The following H2BC18 variants were observed in gnomAD, a reference collection of about 807,000 sequenced individuals.
H2BC18 encodes the protein H2B clustered histone 18, also known as histone H2B type 2-F.
In H2BC18, 8 loss-of-function variants were observed where a neutral mutation model predicts 6.3. That is an observed-to-expected ratio of 1.28 (90% confidence interval 0.75 to 2.31). The LOEUF is 2.31. Among genes scored for constraint, H2BC18 ranks in the 30% most tolerant of loss-of-function variants. The probability of loss-of-function intolerance (pLI) is 0.00; values close to 1 mark genes in which losing one functional copy is unlikely to be tolerated. For missense variants in H2BC18, 106 were observed against 174.5 expected, an observed-to-expected ratio of 0.61 and a Z score of 2.21; for synonymous variants, 104 against 78.1, an observed-to-expected ratio of 1.33 and a Z score of -1.75.
rs2091612856 is a variant in H2BC18, at chr1:149,788,567, G to A, written c.378-5307C>T. 3.7e-6 allele frequency: 6 copies of A among 1,613,962 alleles called. No individual in the cohort carries two copies. Among genetic ancestry groups the A allele is most frequent in the Non-Finnish European group, 5.1e-6 (6 of 1,179,866 alleles). ...CACAATGGCACCTACCATTGCTCAG[G>A]CATGGGAAAGCATCGCTACACATCA... is the stretch of plus-strand genomic sequence containing the variant. On this transcript the variant is annotated intron_variant, in intron 1 of 1. Coordinates refer to the H2BC18 transcript ENST00000545683.
chr1:149,785,885 G>A (rs587605326), intron 1 of H2BC18: 2 of 151,898 alleles, frequency 1.3e-5, no homozygotes, highest in Non-Finnish European at 2.9e-5. Context: ...CATATAAAGG[G>A]CTACGGTATG....
chr1:149,804,523 A>T (rs587739846), intron 1 of H2BC18, among the ~76,000 whole-genome samples: 598 of 152,280 alleles, frequency 3.9e-3, no homozygotes, highest in African/African-American at 0.014. Flanking sequence ...AAGTCACTAG[A>T]AATCTATTAA....
intron 1 of H2BC18, chr1:149,803,866 C>A (rs1341886477): frequency 6.6e-6 from 1 of 152,202 alleles, no homozygotes; most frequent in Non-Finnish European, 1.5e-5. Flanking sequence ...GTTTGCCACT[C>A]TTTGGACTGT....
At chr1:149,793,855 A>C (rs1415442995) in intron 1 of H2BC18, 4 of 1,269,856 alleles carry the variant, frequency 3.1e-6, no homozygotes, top group Admixed American at 2.4e-5. Flanking sequence ...TCCCCAAAGC[A>C]GACCAACCGG....
downstream of H2BC18, among the ~76,000 whole-genome samples, chr1:149,807,173 G>A (rs3106121): frequency 0.052 from 7,885 of 152,104 alleles, 257 homozygotes; most frequent in Non-Finnish European, 0.079. Flanking sequence ...GATAAATTGC[G>A]TTTGGAAAAT....
chr1:149,791,875 G>GAC (rs1427952634), intron 1 of H2BC18: 16 of 269,480 alleles, frequency 5.9e-5, no homozygotes, highest in African/African-American at 4.2e-4. Context: ...GACAGAAAGA[G>GAC]ACACACACAC....
chr1:149,793,472 G>C (rs1278594160), intron 1 of H2BC18, among the ~76,000 whole-genome samples: 1 of 152,176 alleles, frequency 6.6e-6, no homozygotes, highest in Admixed American at 6.5e-5. Flanking sequence ...TCCTATCACG[G>C]ATGAAAAGAT....
At chr1:149,787,353 T>C (rs1358145149) in intron 1 of H2BC18, 2 of 152,220 alleles carry the variant, frequency 1.3e-5, no homozygotes, top group Non-Finnish European at 2.9e-5. Flanking sequence ...CAACTGCCTC[T>C]GGAGAAAAGA....
intron 1 of H2BC18, among the ~76,000 whole-genome samples, chr1:149,788,897 T>C (rs1172074580): frequency 6.6e-6 from 1 of 151,968 alleles, no homozygotes; most frequent in Non-Finnish European, 1.5e-5. Context: ...TCCATCATTA[T>C]TTTAGTTGTA....
chr1:149,787,393 T>C (rs1553750947), intron 1 of H2BC18: 1 of 152,232 alleles, frequency 6.6e-6, no homozygotes, highest in African/African-American at 2.4e-5. Context: ...TGGTTATGTG[T>C]AGAGGTGTAT....
intron 1 of H2BC18, among the ~76,000 whole-genome samples, chr1:149,798,892 T>C (rs1317533046): frequency 6.6e-6 from 1 of 151,992 alleles, no homozygotes; most frequent in East Asian, 1.9e-4. Flanking sequence ...GGATTACATG[T>C]GTGACCCACC....
downstream of H2BC18, chr1:149,811,197 G>C (rs2091968615): frequency 2.0e-5 from 3 of 152,336 alleles, no homozygotes; most frequent in Admixed American, 2.0e-4. Context: ...TCCCCCCAGA[G>C]GACTGTCCTG....
At chr1:149,784,767 A>G (rs1419113571) in intron 1 of H2BC18, among the ~76,000 whole-genome samples, 5 of 150,648 alleles carry the variant, frequency 3.3e-5, no homozygotes, top group Non-Finnish European at 7.4e-5. Context: ...AACACTTTCT[A>G]AGTATTGTCC....
intron 1 of H2BC18, chr1:149,784,404 A>G (rs1168103997): frequency 9.8e-6 from 14 of 1,434,198 alleles, no homozygotes; most frequent in Non-Finnish European, 1.3e-5. Flanking sequence ...AAATCAGTAT[A>G]CTCAAAACAT....
chr1:149,786,082 TG>T (rs1377934546), intron 1 of H2BC18: 3 of 152,176 alleles, frequency 2.0e-5, no homozygotes, highest in African/African-American at 4.8e-5. Flanking sequence ...TGGATATTTT[TG>T]TTTACATGTT....
rs587734587 is a variant in H2BC18 at position 149,796,341 on chromosome 1, G to A, written c.378-13081C>T. Among the ~76,000 whole-genome samples the A allele has an allele frequency of 1.0e-3, 156 of 152,292 alleles. 1 individual carries two copies. Among genetic ancestry groups the A allele is most frequent in the Admixed American group, 1.9e-3 (29 of 15,308 alleles). The stretch of plus-strand genomic sequence containing the variant: ...TCTAAGGAAGACTAGAAATAATTGG[G>A]TTAGGGATTCTCGAGAAGTAAATTA... On this transcript the variant is annotated intron_variant, in intron 1 of 1. Coordinates refer to the H2BC18 transcript ENST00000545683.
At position 149,812,349 on chromosome 1, in the gene H2BC18, A is replaced by T; in HGVS notation, c.-26T>A. Reference sequence around the variant, plus strand: ...TTTTGCGCGAAAAAAGAGAAAAGAGACTTAAAGAAGTAATCCGAACTACCG... The same window carrying T: ...TTTTGCGCGAAAAAAGAGAAAAGAGTCTTAAAGAAGTAATCCGAACTACCG... On this transcript the variant is annotated 5_prime_UTR_variant, in exon 1 of 1. Transcript: ENST00000369167. 1.2e-6 allele frequency: 2 copies of T among 1,614,004 alleles called. No homozygotes were observed. The highest frequency in any genetic ancestry group is 1.7e-6 in the Non-Finnish European group (2 of 1,179,994).
chr1:149,796,312 A>G (rs1559751123), intron 1 of H2BC18, among the ~76,000 whole-genome samples: 1 of 152,216 alleles, frequency 6.6e-6, no homozygotes, highest in Non-Finnish European at 1.5e-5. Context: ...GGAGAAAGAA[A>G]ATCTCTAAGG....
chr1:149,807,851 A>G (rs1440088364), downstream of H2BC18, among the ~76,000 whole-genome samples: 2 of 150,954 alleles, frequency 1.3e-5, no homozygotes, highest in Non-Finnish European at 2.9e-5. Context: ...GAGAGAAAAG[A>G]AAGAATAATC....
Sources: gnomAD v4.1 joint callset for allele counts (sites outside exome capture counted in the v4.1 genomes callset) on GRCh38, gnomAD v4.1.1 for gene constraint, MANE v1.5 for transcripts, NCBI Gene and HGNC (gene_info 2026-07-23, HGNC 2026-07-21) for gene names.